Variants in NCBP2 observed in about 807,000 individuals in gnomAD.
NCBP2 encodes nuclear cap-binding protein subunit 2.
NCBP2 carries 8 observed loss-of-function variants against 21.5 expected under a neutral mutation model. The ratio of observed to expected loss-of-function variants is 0.37; its 90% confidence interval spans 0.22 to 0.67. The LOEUF is 0.67. Ranked by LOEUF, NCBP2 falls within the 30% of genes least tolerant of loss-of-function variation. NCBP2 has a pLI of 0.56. For missense variants in NCBP2, 127 were observed against 206.9 expected (o/e 0.61, Z 2.37); for synonymous variants, 92 against 75.8 (o/e 1.21, Z -1.11).
In NCBP2 at chr3:196,936,458, TAG is replaced by T. The variant is rs1716267178; in HGVS notation, c.*551_*552del. 1 of 154,688 alleles carries T rather than the reference TAG, an allele frequency of 6.5e-6. No homozygotes were observed. Among genetic ancestry groups the T allele is most frequent in the Admixed American group, 6.4e-5 (1 of 15,708 alleles). 9.6% of individuals were successfully genotyped at this position (154,688 alleles called of 1,614,324 possible). On this transcript the variant is annotated 3_prime_UTR_variant, in exon 4 of 4. Transcript: ENST00000321256. ...ATTTGTTGTTTTTCGTTGTGCTTTG[TAG>T]AGACGGGGTCTTGCTATGTTGCCCA...
intron 1 of NCBP2, chr3:196,941,643 A>T (rs1229821744): frequency 3.8e-6 from 2 of 522,320 alleles, no homozygotes; most frequent in African/African-American, 3.8e-5. Context: ...CACTCGATAA[A>T]CGTTTACTAA....
intron 1 of NCBP2, chr3:196,941,137 GC>G (rs1362715310): frequency 2.6e-5 from 4 of 151,132 alleles, no homozygotes; most frequent in Non-Finnish European, 4.4e-5. Context: ...TCGCTCTGTT[GC>G]CCAGGCTGGA....
At chr3:196,938,493 C>T (rs775247139) in intron 2 of NCBP2, 1 of 152,094 alleles carries the variant, frequency 6.6e-6, no homozygotes, top group Non-Finnish European at 1.5e-5. Flanking sequence ...GTAAAAAGAA[C>T]ATAGGATAAA....
chr3:196,942,186 A>T, intron 1 of NCBP2: 1 of 1,454,784 alleles, frequency 6.9e-7, no homozygotes, highest in Non-Finnish European at 9.0e-7. Context: ...GGGTACAGGG[A>T]GCGGCTGCGA....
In NCBP2 at chr3:196,937,022, G is replaced by T; in HGVS notation, c.460C>A (p.Gln154Lys). Residue 154 changes from glutamine (Q) to lysine (K), a missense_variant, in exon 4 of 4, where the codon CAG becomes AAG. Coordinates refer to ENST00000321256, the MANE Select transcript of NCBP2 (RefSeq NM_007362.5). ...AGAGCTCTCACCACTCACTGGTTCT[G>T]TGCCAGTTTTCCATAGCCTCCTCTC... Reference protein sequence around the residue: ...AGRGGYGKLAQNQ With the variant: ...AGRGGYGKLAKNQ 6.2e-7 allele frequency: 1 copy of T among 1,614,150 alleles called. No homozygotes were observed. Among genetic ancestry groups the T allele is most frequent in the Non-Finnish European group, 8.5e-7 (1 of 1,180,020 alleles).
At chr3:196,937,752 C>G in intron 2 of NCBP2, 104 bp from the exon 3 acceptor site, 1 of 1,403,222 alleles carries the variant, frequency 7.1e-7, no homozygotes, top group Non-Finnish European at 9.9e-7. Context: ...GCTAATCCAA[C>G]CAGATGGAGT....
intron 1 of NCBP2, chr3:196,941,702 T>A: frequency 4.6e-5 from 22 of 474,434 alleles, no homozygotes; most frequent in Non-Finnish European, 7.3e-5. Context: ...CCGTATTCCA[T>A]CCCTACCTCC....
Position 196,942,030 on chromosome 3 carries a change from C to T in NCBP2, c.78+396G>A, listed in dbSNP as rs1716610198. 8.5e-6 allele frequency: 13 copies of T among 1,535,664 alleles called. No individual in the cohort carries two copies. In the Admixed American group the frequency reaches 2.0e-4, roughly 23 times the overall value. On this transcript the variant is annotated intron_variant, in intron 1 of 3. Transcript: ENST00000321256. ...ATTTAAAAAACAAAGCAAAAAGCCC[C>T]GCATCTGCATCAGGAAGGCGCCTCT...
intron 1 of NCBP2, chr3:196,942,176 G>C: frequency 1.4e-6 from 2 of 1,457,590 alleles, no homozygotes; most frequent in Non-Finnish European, 1.8e-6. Context: ...GCACTGGCTG[G>C]GGTACAGGGA....
At chr3:196,939,836 G>GAT (rs1476723735) in intron 1 of NCBP2, 1 of 161,928 alleles carries the variant, frequency 6.2e-6, no homozygotes, top group South Asian at 1.8e-4. Flanking sequence ...TTCAGAGAGA[G>GAT]AGAGAGTTCC....
chr3:196,941,974 GCCCGAATCGCCGAAGGGC>G, intron 1 of NCBP2: 1 of 1,536,308 alleles, frequency 6.5e-7, no homozygotes, highest in Middle Eastern at 1.7e-4. Flanking sequence ...CAGAGAAGGG[GCCCGAATCGCCGAAGGGC>G]ACTGCTTCGC....
At chr3:196,942,231 T>G (rs1716625260) in intron 1 of NCBP2, 195 bp downstream of exon 1, 1 of 1,463,390 alleles carries the variant, frequency 6.8e-7, no homozygotes, top group African/African-American at 1.4e-5. Context: ...GTTCCCCGTC[T>G]TCCAGAGCAA....
chr3:196,938,494 A>G (rs1008215052), intron 2 of NCBP2: 1 of 152,248 alleles, frequency 6.6e-6, no homozygotes, highest in African/African-American at 2.4e-5. Flanking sequence ...TAAAAAGAAC[A>G]TAGGATAAAT....
At chr3:196,942,079 C>T (rs1371777071) in intron 1 of NCBP2, 16 of 1,514,332 alleles carry the variant, frequency 1.1e-5, no homozygotes, top group Non-Finnish European at 1.4e-5. Flanking sequence ...GAGAGAAGGG[C>T]ACCCCTCCCC....
chr3:196,941,699 C>A, intron 1 of NCBP2: 2 of 526,072 alleles, frequency 3.8e-6, no homozygotes. Flanking sequence ...CAACCGTATT[C>A]CATCCCTACC....
intron 1 of NCBP2, chr3:196,942,188 C>A (rs1209816975): frequency 7.6e-6 from 11 of 1,454,204 alleles, no homozygotes; most frequent in Non-Finnish European, 9.0e-6. Context: ...GTACAGGGAG[C>A]GGCTGCGAGC....
chr3:196,935,593 G>A lies in NCBP2; in HGVS notation c.*1418C>T, dbSNP rs1482214340. The A allele has an allele frequency of 1.2e-4, 19 of 152,174 alleles. No individual in the cohort carries two copies. Among genetic ancestry groups the A allele is most frequent in the Admixed American group, 1.2e-3 (19 of 15,266 alleles). The allele number at this position is 152,174 out of a possible 1,614,324, so 9.4% of individuals were successfully genotyped here. A position where few individuals can be genotyped will look rare whatever the true frequency, so the allele number is the denominator to read the frequency against. ...AAATGTTTGCAAAGTTTCTTCCTAA[G>A]CACTTACAACTAGTTACAGCTCTTT... On this transcript the variant is annotated 3_prime_UTR_variant, in exon 4 of 4. Coordinates refer to ENST00000321256, the MANE Select transcript of NCBP2 (RefSeq NM_007362.5).
intron 2 of NCBP2, chr3:196,938,598 C>T (rs970464423): frequency 6.6e-5 from 10 of 152,226 alleles, no homozygotes; most frequent in African/African-American, 2.2e-4. Context: ...AGGTTATATA[C>T]ATCTATATAA....
chr3:196,940,012 CTT>C (rs1716455779), intron 1 of NCBP2: 1 of 152,346 alleles, frequency 6.6e-6, no homozygotes, highest in African/African-American at 2.4e-5. Context: ...AAGCCAGAGA[CTT>C]AAGCATATAA....
Sources: allele counts gnomAD v4.1 joint callset, GRCh38; gene constraint gnomAD v4.1.1; transcripts MANE v1.5; gene names NCBI Gene and HGNC (gene_info 2026-07-23, HGNC 2026-07-21).